Variants in CIAO2A observed in about 807,000 individuals in gnomAD.
CIAO2A encodes the protein MIP18 family protein FAM96A.
In CIAO2A, 17 loss-of-function variants were observed where a neutral mutation model predicts 22.4. The observed-to-expected ratio is 0.76, with a 90% CI of 0.52 to 1.14. The LOEUF (loss-of-function observed/expected upper bound fraction) is 1.14, where lower values mean the gene tolerates loss of function less well. Among genes scored for constraint, CIAO2A ranks in the 50% most tolerant of loss-of-function variants. The pLI, the probability that CIAO2A is intolerant of heterozygous loss-of-function variation, is 0.00. For synonymous variants in CIAO2A, 74 were observed against 72.3 expected (o/e 1.02, Z -0.12); for missense variants, 192 against 191.4 (o/e 1.00, Z -0.02).
intron 2 of CIAO2A, among the ~76,000 whole-genome samples, chr15:64,081,624 G>A (rs544227008): frequency 2.8e-5 from 4 of 142,660 alleles, no homozygotes; most frequent in South Asian, 4.5e-4. Context: ...TGCAACCTCC[G>A]CCTCTCGGTT....
At chr15:64,075,444 A>G in intron 4 of CIAO2A, 48 bp downstream of exon 4, 1 of 1,250,578 alleles carries the variant, frequency 8.0e-7, no homozygotes, top group Non-Finnish European at 1.1e-6. Context: ...ATCCAAGATA[A>G]AATACTATCT....
intron 2 of CIAO2A, among the ~76,000 whole-genome samples, chr15:64,086,824 G>A (rs191660321): frequency 9.9e-5 from 15 of 151,680 alleles, no homozygotes; most frequent in African/African-American, 3.6e-4. Context: ...ATGTTGGCCA[G>A]GCTGGTCTTG....
intron 1 of CIAO2A, among the ~76,000 whole-genome samples, chr15:64,090,639 G>C (rs1256644029): frequency 6.6e-6 from 1 of 152,162 alleles, no homozygotes; most frequent in Non-Finnish European, 1.5e-5. Flanking sequence ...AGCTAAAACA[G>C]GTCTTTCATT....
chr15:64,079,509 G>C (rs1234634257), intron 3 of CIAO2A, among the ~76,000 whole-genome samples: 1 of 152,200 alleles, frequency 6.6e-6, no homozygotes, highest in East Asian at 1.9e-4. Context: ...CTGGGAGACA[G>C]AGCAAGACCC....
chr15:64,093,234 G>A (rs2080857388), intron 1 of CIAO2A, among the ~76,000 whole-genome samples: 1 of 152,186 alleles, frequency 6.6e-6, no homozygotes, highest in Non-Finnish European at 1.5e-5. Context: ...GCCCTCAGCG[G>A]TAGCAAGAGT....
At chr15:64,073,984 G>A (rs528825272) in intron 4 of CIAO2A, among the ~76,000 whole-genome samples, 1 of 152,200 alleles carries the variant, frequency 6.6e-6, no homozygotes, top group South Asian at 2.1e-4. Context: ...CAATATTATT[G>A]TCATAATTTG....
intron 2 of CIAO2A, among the ~76,000 whole-genome samples, chr15:64,087,084 C>CT (rs766247330): frequency 0.47 from 36,271 of 76,402 alleles, 7,319 homozygotes; most frequent in East Asian, 0.61. Context: ...GCTAATTTTG[C>CT]TTTTTTTTTT....
chr15:64,084,122 GAT>G (rs1190296032), intron 2 of CIAO2A, among the ~76,000 whole-genome samples: 3 of 152,098 alleles, frequency 2.0e-5, no homozygotes, highest in African/African-American at 7.2e-5. Flanking sequence ...GCACTCTCCT[GAT>G]ATTTGTCCAC....
intron 2 of CIAO2A, among the ~76,000 whole-genome samples, chr15:64,085,645 A>G (rs964344836): frequency 7.2e-5 from 11 of 152,334 alleles, no homozygotes; most frequent in African/African-American, 2.4e-4. Context: ...TGGAAAGGTT[A>G]AGTAACTTGC....
At chr15:64,090,602 T>C (rs1198656787) in intron 1 of CIAO2A, among the ~76,000 whole-genome samples, 1 of 152,200 alleles carries the variant, frequency 6.6e-6, no homozygotes, top group African/African-American at 2.4e-5. Flanking sequence ...TAACATTAAA[T>C]GCTGCAGAAA....
In CIAO2A at chr15:64,073,019, T is replaced by G; in HGVS notation, c.395A>C (p.Gln132Pro). The G allele has an allele frequency of 6.2e-7, 1 of 1,611,688 alleles. No individual in the cohort carries two copies. The highest frequency in any genetic ancestry group is 8.5e-7 in the Non-Finnish European group (1 of 1,177,918). ...THSTEEDINKQINDKERVAAA... is the reference protein window; with the variant it reads ...THSTEEDINKPINDKERVAAA... ...TGCCACTCGCTCTTTGTCATTTATC[T>G]GCTTATTGACTGAAAAATACACAGA... Residue 132 changes from glutamine to proline, a missense_variant, in exon 5 of 5, where the codon CAG becomes CCG. Transcript: ENST00000300030.
At chr15:64,075,653 C>CT (rs147717856) in intron 3 of CIAO2A, 116 bp from the exon 4 acceptor site, 21,376 of 381,494 alleles carry the variant, frequency 0.056, 5 homozygotes, top group East Asian at 0.069. Flanking sequence ...AATCCTGTTT[C>CT]TTTTTTTTTT....
chr15:64,083,063 T>A (rs896478542), intron 2 of CIAO2A, among the ~76,000 whole-genome samples: 1 of 149,592 alleles, frequency 6.7e-6, no homozygotes, highest in Non-Finnish European at 1.5e-5. Flanking sequence ...ATAATAATAA[T>A]AAAACTTAAA....
intron 2 of CIAO2A, among the ~76,000 whole-genome samples, chr15:64,087,790 A>G (rs537947626): frequency 6.7e-6 from 1 of 150,220 alleles, no homozygotes; most frequent in Admixed American, 6.6e-5. Context: ...TCTCCCTCCC[A>G]CCCTTTCCCC....
intron 3 of CIAO2A, among the ~76,000 whole-genome samples, chr15:64,079,543 A>G (rs565409090): frequency 2.6e-5 from 4 of 152,252 alleles, no homozygotes; most frequent in African/African-American, 9.6e-5. Flanking sequence ...AACAAAAAAG[A>G]TGTGTAGGAT....
At chr15:64,082,260 G>C (rs919762224) in intron 2 of CIAO2A, among the ~76,000 whole-genome samples, 1 of 152,086 alleles carries the variant, frequency 6.6e-6, no homozygotes, top group African/African-American at 2.4e-5. Flanking sequence ...ACAGAGTCTT[G>C]CTCTATTGCC....
Position 64,076,723 on chromosome 15 carries a change from CTT to C in CIAO2A, c.340-1188_340-1187del, listed in dbSNP as rs556233822. ...GACCTTAAAGGTCATCTAGTCCAAT[CTT>C]TTTTTTTTTTTTTTTTTTGAGACAG... On this transcript the variant is annotated intron_variant, in intron 3 of 4. Coordinates refer to ENST00000300030, the MANE Select transcript of CIAO2A (RefSeq NM_032231.7). 2.4e-3 allele frequency among the ~76,000 whole-genome samples: 276 copies of C among 115,134 alleles called. No individual in the cohort carries two copies. In the East Asian group the frequency reaches 0.036, roughly 15 times the overall value. The allele number at this position is 115,134 out of a possible 152,430, so 75.5% of individuals were successfully genotyped here.
chr15:64,075,331 T>C (rs1418810807), intron 4 of CIAO2A, 161 bp downstream of exon 4: 2 of 529,796 alleles, frequency 3.8e-6, no homozygotes, highest in Admixed American at 3.9e-5. Context: ...ATTACTTCTT[T>C]GAAATGCCTA....
intron 3 of CIAO2A, among the ~76,000 whole-genome samples, chr15:64,080,439 T>C (rs570465277): frequency 2.6e-5 from 4 of 151,468 alleles, no homozygotes; most frequent in Admixed American, 1.3e-4. Flanking sequence ...TCCCAGCACT[T>C]TGAGAGGCCG....
Sources: gnomAD v4.1 joint callset for allele counts (sites outside exome capture counted in the v4.1 genomes callset) on GRCh38, gnomAD v4.1.1 for gene constraint, MANE v1.5 for transcripts, NCBI Gene and HGNC (gene_info 2026-07-23, HGNC 2026-07-21) for gene names.